Variants in TMEM232 observed in about 807,000 individuals in gnomAD.
TMEM232 encodes the protein transmembrane protein 232.
Under a neutral mutation model 78.8 loss-of-function variants are expected in TMEM232, and 80 were observed. That is an observed-to-expected ratio of 1.01 (90% CI 0.85 to 1.22). TMEM232 has a LOEUF of 1.22. Among genes scored for constraint, TMEM232 ranks in the 50% most tolerant of loss-of-function variants. The pLI, the probability that TMEM232 is intolerant of heterozygous loss-of-function variation, is 0.00. For missense variants in TMEM232, 881 were observed against 742.2 expected (o/e 1.19, Z -2.17); for synonymous variants, 297 against 254.3 (o/e 1.17, Z -1.60).
chr5:110,490,375 T>C (rs1764954913), intron 12 of TMEM232, among the ~76,000 whole-genome samples: 1 of 152,036 alleles, frequency 6.6e-6, no homozygotes. Context: ...AAGACCAAAA[T>C]GTATGAAAAG....
intron 8 of TMEM232, among the ~76,000 whole-genome samples, chr5:110,614,089 C>T (rs975232833): frequency 1.3e-5 from 2 of 151,980 alleles, no homozygotes; most frequent in Non-Finnish European, 2.9e-5. Context: ...TTTGGCAGTA[C>T]TGTTTAAAGC....
At chr5:110,651,817 G>A (rs556034286) in intron 2 of TMEM232, among the ~76,000 whole-genome samples, 3 of 152,030 alleles carry the variant, frequency 2.0e-5, no homozygotes, top group African/African-American at 7.2e-5. Flanking sequence ...GCTTCAGGTC[G>A]CATAATTACA....
chr5:110,404,696 A>G (rs1019050819), intron 2 of TMEM232, among the ~76,000 whole-genome samples: 3 of 152,112 alleles, frequency 2.0e-5, no homozygotes, highest in African/African-American at 7.2e-5. Flanking sequence ...AGTAAACCTT[A>G]TTTTCTAAGG....
chr5:110,571,252 C>T (rs1440087412), intron 10 of TMEM232, among the ~76,000 whole-genome samples: 2 of 152,004 alleles, frequency 1.3e-5, no homozygotes, highest in African/African-American at 4.8e-5. Flanking sequence ...AAAGTGCCTA[C>T]AACAAAGTAC....
At chr5:110,446,362 G>A (rs937534755) in intron 12 of TMEM232, among the ~76,000 whole-genome samples, 5 of 152,120 alleles carry the variant, frequency 3.3e-5, no homozygotes, top group African/African-American at 1.2e-4. Context: ...AAATTATTCT[G>A]ACAGCTGTGC....
At chr5:110,732,667 A>G (rs1798792422) in intron 2 of TMEM232, among the ~76,000 whole-genome samples, 1 of 152,196 alleles carries the variant, frequency 6.6e-6, no homozygotes, top group Admixed American at 6.5e-5. Flanking sequence ...CCCTCCCACA[A>G]CATGTGTGAA....
chr5:110,714,802 A>G (rs967095716), intron 1 of TMEM232, among the ~76,000 whole-genome samples: 2 of 152,224 alleles, frequency 1.3e-5, no homozygotes, highest in African/African-American at 4.8e-5. Context: ...TACAAATACA[A>G]TTAAAATATG....
At chr5:110,412,861 G>T (rs1195052064) in intron 2 of TMEM232, among the ~76,000 whole-genome samples, 3 of 152,084 alleles carry the variant, frequency 2.0e-5, no homozygotes, top group Non-Finnish European at 4.4e-5. Flanking sequence ...AACTTTCAGT[G>T]TATTAAATAT....
intron 12 of TMEM232, among the ~76,000 whole-genome samples, chr5:110,499,758 G>C (rs749442860): frequency 2.6e-5 from 4 of 152,002 alleles, no homozygotes; most frequent in South Asian, 4.1e-4. Flanking sequence ...TGTATTTCAA[G>C]TGTTTGACAG....
At chr5:110,548,635 T>C (rs534929903) in intron 11 of TMEM232, among the ~76,000 whole-genome samples, 24 of 151,940 alleles carry the variant, frequency 1.6e-4, no homozygotes, top group African/African-American at 2.7e-4. Context: ...ATCTATAGAA[T>C]AGTAAATAAC....
At chr5:110,663,849 T>G (rs1790163914) in intron 2 of TMEM232, among the ~76,000 whole-genome samples, 1 of 151,754 alleles carries the variant, frequency 6.6e-6, no homozygotes, top group Non-Finnish European at 1.5e-5. Context: ...AAATCATAAA[T>G]TATACTTAGC....
intron 3 of TMEM232, among the ~76,000 whole-genome samples, chr5:110,391,715 T>C (rs559780263): frequency 3.3e-5 from 5 of 152,302 alleles, no homozygotes; most frequent in Non-Finnish European, 7.4e-5. Context: ...TGATTCAGTA[T>C]AATTAGATTG....
chr5:110,642,255 A>T lies in TMEM232; in HGVS notation c.237+5T>A. ...ATGCTCAACAATCAAATGATATGCCATTACCTTACATCTGAGAATGATTTT... is the reference window on the plus strand; with the variant it reads ...ATGCTCAACAATCAAATGATATGCCTTTACCTTACATCTGAGAATGATTTT... On this transcript the variant is annotated splice_donor_5th_base_variant and intron_variant, in intron 3 of 13. Coordinates refer to ENST00000455884, the MANE Select transcript of TMEM232 (RefSeq NM_001039763.4). The T allele has an allele frequency of 6.6e-7, 1 of 1,513,232 alleles. No individual in the cohort carries two copies. The highest frequency in any genetic ancestry group is 8.9e-7 in the Non-Finnish European group (1 of 1,122,102). 93.7% of individuals were successfully genotyped at this position (1,513,232 alleles called of 1,614,324 possible).
intron 12 of TMEM232, among the ~76,000 whole-genome samples, chr5:110,528,055 C>G (rs1193040426): frequency 6.6e-6 from 1 of 151,804 alleles, no homozygotes; most frequent in Non-Finnish European, 1.5e-5. Context: ...TGAAAGAAAT[C>G]TACCATTGAA....
intron 12 of TMEM232, among the ~76,000 whole-genome samples, chr5:110,522,573 G>A (rs999126957): frequency 1.3e-5 from 2 of 151,998 alleles, no homozygotes; most frequent in African/African-American, 2.4e-5. Context: ...TTATTATGTC[G>A]AGGTATATTC....
At chr5:110,661,422 C>T (rs1007205451) in intron 2 of TMEM232, among the ~76,000 whole-genome samples, 3 of 152,076 alleles carry the variant, frequency 2.0e-5, no homozygotes, top group Non-Finnish European at 2.9e-5. Flanking sequence ...AGTAACCCCC[C>T]CCACCTCATC....
intron 12 of TMEM232, among the ~76,000 whole-genome samples, chr5:110,491,939 T>G (rs1047837876): frequency 2.0e-5 from 3 of 151,992 alleles, no homozygotes; most frequent in African/African-American, 7.2e-5. Flanking sequence ...AATTTCAGTC[T>G]AAACAAAATA....
At chr5:110,563,099 T>C (rs1392226348) in intron 11 of TMEM232, among the ~76,000 whole-genome samples, 1 of 152,016 alleles carries the variant, frequency 6.6e-6, no homozygotes, top group Non-Finnish European at 1.5e-5. Flanking sequence ...AAGCTAACTT[T>C]CCGCCTTCAT....
chr5:110,537,167 T>A (rs1341625334), intron 11 of TMEM232, among the ~76,000 whole-genome samples: 1 of 152,092 alleles, frequency 6.6e-6, no homozygotes, highest in Non-Finnish European at 1.5e-5. Context: ...CTTCATCTAT[T>A]CCACCTGATT....
Sources: allele counts gnomAD v4.1 joint callset (sites outside exome capture counted in the v4.1 genomes callset), GRCh38; gene constraint gnomAD v4.1.1; transcripts MANE v1.5; gene names NCBI Gene and HGNC (gene_info 2026-07-23, HGNC 2026-07-21).